PHLDB2: variants seen among roughly 807,000 people sequenced by gnomAD.
PHLDB2 encodes the protein pleckstrin homology-like domain family B member 2.
PHLDB2 carries 71 observed loss-of-function variants against 123.6 expected under a neutral mutation model. The ratio of observed to expected loss-of-function variants is 0.57; its 90% CI spans 0.47 to 0.70. PHLDB2 has a LOEUF of 0.70. Among genes scored for constraint, PHLDB2 ranks in the 30% least tolerant of loss-of-function variants. The probability of loss-of-function intolerance (pLI) is 0.00; values close to 1 mark genes in which losing one functional copy is unlikely to be tolerated. For missense variants in PHLDB2, 1,446 were observed against 1,519.5 expected (o/e 0.95, Z 0.80); for synonymous variants, 547 against 541.6 (o/e 1.01, Z -0.14).
chr3:111,962,644 A>T (rs900340322), intron 13 of PHLDB2, among the ~76,000 whole-genome samples: 1 of 152,164 alleles, frequency 6.6e-6, no homozygotes, highest in Non-Finnish European at 1.5e-5. Flanking sequence ...TTTAAAAAAG[A>T]GGGCCCAGGC....
At chr3:111,846,601 G>C (rs565090123) in intron 2 of PHLDB2, among the ~76,000 whole-genome samples, 1 of 152,240 alleles carries the variant, frequency 6.6e-6, no homozygotes, top group Non-Finnish European at 1.5e-5. Flanking sequence ...TGTATTAAGG[G>C]AGGGCAATTC....
intron 15 of PHLDB2, among the ~76,000 whole-genome samples, chr3:111,969,313 T>G (rs1445956499): frequency 6.6e-6 from 1 of 152,186 alleles, no homozygotes; most frequent in Non-Finnish European, 1.5e-5. Flanking sequence ...AGGGACAACT[T>G]CTGGAAACTT....
At chr3:111,824,301 C>T (rs1400570241) in intron 1 of PHLDB2, among the ~76,000 whole-genome samples, 1 of 152,178 alleles carries the variant, frequency 6.6e-6, no homozygotes, top group Non-Finnish European at 1.5e-5. Flanking sequence ...AGGCCTACTC[C>T]TCCCAGGAAC....
chr3:111,889,389 A>G (rs781090235), intron 2 of PHLDB2, among the ~76,000 whole-genome samples: 10 of 149,288 alleles, frequency 6.7e-5, no homozygotes, highest in African/African-American at 2.4e-4. Flanking sequence ...TTATCAAATC[A>G]GGTCTTTTTT....
chr3:111,771,071 C>T (rs1033388152), intron 1 of PHLDB2, among the ~76,000 whole-genome samples: 6 of 152,184 alleles, frequency 3.9e-5, no homozygotes, highest in African/African-American at 1.4e-4. Context: ...ATGAAAGTTC[C>T]AGTGCAGATG....
At chr3:111,792,892 G>A (rs190569527) in intron 1 of PHLDB2, among the ~76,000 whole-genome samples, 2 of 152,308 alleles carry the variant, frequency 1.3e-5, no homozygotes, top group Non-Finnish European at 1.5e-5. Context: ...TGAAAAGAAG[G>A]AAGGATGTGA....
chr3:111,925,037 C>T (rs768884404), intron 5 of PHLDB2, among the ~76,000 whole-genome samples: 4 of 152,078 alleles, frequency 2.6e-5, no homozygotes, highest in Non-Finnish European at 5.9e-5. Flanking sequence ...TCATGTTGTC[C>T]AGGCTGGTCT....
At chr3:111,832,273 T>C (rs1013153424) in intron 1 of PHLDB2, among the ~76,000 whole-genome samples, 11 of 152,148 alleles carry the variant, frequency 7.2e-5, no homozygotes, top group African/African-American at 1.9e-4. Context: ...AATCAGTTTC[T>C]TTCCCCTGAA....
chr3:111,739,481 G>A (rs575321657), intron 1 of PHLDB2, among the ~76,000 whole-genome samples: 59 of 151,144 alleles, frequency 3.9e-4, no homozygotes, highest in Admixed American at 7.3e-4. Context: ...CAGTGAGTCA[G>A]ATGGAACTGT....
chr3:111,903,838 ATC>A (rs1215766935), intron 2 of PHLDB2, among the ~76,000 whole-genome samples: 3 of 152,146 alleles, frequency 2.0e-5, no homozygotes, highest in Non-Finnish European at 2.9e-5. Flanking sequence ...TAATCTACTC[ATC>A]TCTGTTTTAT....
chr3:111,819,440 A>G (rs976393199), intron 1 of PHLDB2, among the ~76,000 whole-genome samples: 12 of 152,238 alleles, frequency 7.9e-5, no homozygotes, highest in African/African-American at 2.9e-4. Context: ...ATCATCTGAA[A>G]TAGAAGACCT....
chr3:111,963,889 G>T (rs993081007), intron 13 of PHLDB2, among the ~76,000 whole-genome samples: 2 of 152,026 alleles, frequency 1.3e-5, no homozygotes, highest in African/African-American at 4.8e-5. Context: ...CCAAACATTG[G>T]TTCCTCATTA....
Position 111,885,169 on chromosome 3 carries a change from G to C in PHLDB2, c.1092G>C (p.Pro364=). Residue 364 remains proline (P), a synonymous_variant, in exon 2 of 18, where the codon CCG becomes CCC. Coordinates refer to ENST00000431670, the MANE Select transcript of PHLDB2 (RefSeq NM_001134438.2). ...AGGCTTCATATGTGGGGACAAACCCGAGTCATTCACTTCTTGCTGGAGAGT... is the reference window on the plus strand; with the variant it reads ...AGGCTTCATATGTGGGGACAAACCCCAGTCATTCACTTCTTGCTGGAGAGT... ...FDQASYVGTN[P]SHSLLAGESD... The C allele has an allele frequency of 1.2e-6, 2 of 1,614,110 alleles. No homozygotes were observed. Among genetic ancestry groups the C allele is most frequent in the Non-Finnish European group, 1.7e-6 (2 of 1,180,022 alleles).
intron 2 of PHLDB2, among the ~76,000 whole-genome samples, chr3:111,890,694 A>T (rs1428319713): frequency 6.6e-6 from 1 of 151,690 alleles, no homozygotes; most frequent in Non-Finnish European, 1.5e-5. Context: ...TTATTTGAAA[A>T]CTCAAGGTAG....
chr3:111,833,919 TTA>T (rs1292394270), intron 1 of PHLDB2, among the ~76,000 whole-genome samples: 1 of 74,238 alleles, frequency 1.3e-5, no homozygotes, highest in Admixed American at 2.2e-4. Flanking sequence ...TGTAATAGAA[TTA>T]TATATATAAT....
At chr3:111,786,740 AAAAT>A (rs1260552605) in intron 1 of PHLDB2, among the ~76,000 whole-genome samples, 2 of 152,168 alleles carry the variant, frequency 1.3e-5, no homozygotes, top group Non-Finnish European at 2.9e-5. Flanking sequence ...TTGTCATTCT[AAAAT>A]GAGAGAGTTG....
intron 1 of PHLDB2, among the ~76,000 whole-genome samples, chr3:111,780,073 A>G (rs1576570454): frequency 6.6e-6 from 1 of 151,726 alleles, no homozygotes; most frequent in African/African-American, 2.4e-5. Context: ...CATTCTGTAC[A>G]TTATTAGAAA....
intron 7 of PHLDB2, 44 bp from the exon 8 acceptor site, chr3:111,940,491 A>C (rs893443358): frequency 5.3e-6 from 6 of 1,140,582 alleles, no homozygotes; most frequent in Admixed American, 2.3e-5. Flanking sequence ...CAAACCTTTG[A>C]GTGTCTAATG....
At chr3:111,750,969 C>T (rs182772823) in intron 1 of PHLDB2, among the ~76,000 whole-genome samples, 41 of 150,600 alleles carry the variant, frequency 2.7e-4, no homozygotes, top group East Asian at 5.9e-4. Flanking sequence ...AAAAAAAATT[C>T]GCCAGTTCTT....
Sources: allele counts gnomAD v4.1 joint callset (sites outside exome capture counted in the v4.1 genomes callset), GRCh38; gene constraint gnomAD v4.1.1; transcripts MANE v1.5; gene names NCBI Gene and HGNC (gene_info 2026-07-23, HGNC 2026-07-21).